GRID2: variants seen among roughly 807,000 people sequenced by gnomAD.
GRID2 encodes glutamate receptor ionotropic, delta-2.
GRID2 carries 33 observed loss-of-function variants against 114.8 expected under a neutral mutation model. That is an observed-to-expected ratio of 0.29 (90% CI 0.22 to 0.38). The LOEUF (loss-of-function observed/expected upper bound fraction) is 0.38. Among genes scored for constraint, GRID2 ranks in the 10% least tolerant of loss-of-function variants. The probability of loss-of-function intolerance (pLI) is 1.00; values close to 1 mark genes in which losing one functional copy is unlikely to be tolerated. For synonymous variants in GRID2, 505 were observed against 449.9 expected (o/e 1.12, Z -1.55); for missense variants, 1,184 against 1,257.7 (o/e 0.94, Z 0.89).
intron 13 of GRID2, among the ~76,000 whole-genome samples, chr4:93,594,555 G>A (rs1341203119): frequency 6.6e-6 from 1 of 152,172 alleles, no homozygotes; most frequent in Admixed American, 6.5e-5. Context: ...AGGCAGGCAG[G>A]CCTCCTTGAG....
At chr4:93,188,112 C>G (rs780963660) in intron 4 of GRID2, among the ~76,000 whole-genome samples, 6 of 152,194 alleles carry the variant, frequency 3.9e-5, no homozygotes, top group Non-Finnish European at 5.9e-5. Context: ...ATTCTGGAAT[C>G]TCAAGGGTGA....
intron 1 of GRID2, among the ~76,000 whole-genome samples, chr4:92,401,545 TCA>T (rs1367159327): frequency 6.6e-6 from 1 of 152,258 alleles, no homozygotes; most frequent in South Asian, 2.1e-4. Flanking sequence ...ATAAAGTGAG[TCA>T]CACAAATTTT....
intron 2 of GRID2, among the ~76,000 whole-genome samples, chr4:92,686,918 A>G (rs1733934782): frequency 6.6e-6 from 1 of 152,152 alleles, no homozygotes; most frequent in Non-Finnish European, 1.5e-5. Flanking sequence ...GCAATTTTAT[A>G]AAGTTTGAAC....
At chr4:93,049,137 C>T (rs985446688) in intron 2 of GRID2, among the ~76,000 whole-genome samples, 1 of 151,954 alleles carries the variant, frequency 6.6e-6, no homozygotes, top group Admixed American at 6.6e-5. Flanking sequence ...CTCCACAAAG[C>T]ATTATAGAAT....
intron 1 of GRID2, among the ~76,000 whole-genome samples, chr4:92,453,593 G>A (rs997609822): frequency 4.6e-5 from 7 of 152,002 alleles, no homozygotes; most frequent in African/African-American, 1.7e-4. Context: ...GTAAAGACAT[G>A]GATTTCTTTC....
intron 1 of GRID2, among the ~76,000 whole-genome samples, chr4:92,533,599 C>T (rs1725463716): frequency 6.6e-6 from 1 of 152,040 alleles, no homozygotes; most frequent in African/African-American, 2.4e-5. Context: ...AACACAATAA[C>T]TGTTCATCCC....
intron 13 of GRID2, among the ~76,000 whole-genome samples, chr4:93,612,407 C>G (rs377666913): frequency 6.8e-6 from 1 of 146,486 alleles, no homozygotes; most frequent in East Asian, 1.9e-4. Flanking sequence ...TTCCTAGTCT[C>G]GATGGGCTTT....
chr4:93,322,808 AT>A (rs1757380153), intron 8 of GRID2, among the ~76,000 whole-genome samples: 1 of 151,938 alleles, frequency 6.6e-6, no homozygotes, highest in Non-Finnish European at 1.5e-5. Flanking sequence ...GATGATGAGC[AT>A]TTTTTCATGT....
At chr4:93,239,727 T>G (rs1313687241) in intron 8 of GRID2, among the ~76,000 whole-genome samples, 1 of 151,642 alleles carries the variant, frequency 6.6e-6, no homozygotes, top group Admixed American at 6.6e-5. Flanking sequence ...GCCAGGATTC[T>G]CAACCCTCCC....
intron 3 of GRID2, among the ~76,000 whole-genome samples, chr4:93,097,912 A>G (rs1271422886): frequency 3.3e-5 from 5 of 151,932 alleles, no homozygotes; most frequent in Non-Finnish European, 7.4e-5. Context: ...AAGTAAATAA[A>G]ATGATACCTC....
At chr4:93,098,775 T>C (rs769158323) in intron 3 of GRID2, among the ~76,000 whole-genome samples, 2 of 151,914 alleles carry the variant, frequency 1.3e-5, no homozygotes, top group Non-Finnish European at 2.9e-5. Context: ...TGGATTCAGC[T>C]GTAGAGATTG....
In GRID2 at chr4:93,560,995, T is replaced by C. The variant is rs145382305; in HGVS notation, c.2193+45584T>C. Among the ~76,000 whole-genome samples the C allele has an allele frequency of 5.9e-4, 90 of 152,180 alleles. No homozygotes were observed. In the East Asian group the frequency reaches 0.017, roughly 28 times the overall value. On this transcript the variant is annotated intron_variant, in intron 13 of 15. Transcript: ENST00000282020. ...TTCTCTTGAGTGAGCTTCCTTCATATGGTTATGACCTTACATTTATACTTA... is the reference window on the plus strand; with the variant it reads ...TTCTCTTGAGTGAGCTTCCTTCATACGGTTATGACCTTACATTTATACTTA...
chr4:93,311,981 T>G (rs1037539676), intron 8 of GRID2, among the ~76,000 whole-genome samples: 2 of 152,186 alleles, frequency 1.3e-5, no homozygotes, highest in African/African-American at 4.8e-5. Flanking sequence ...AAATTCATAA[T>G]GTAGAAATGT....
chr4:93,107,625 A>G (rs1435856322), intron 3 of GRID2, among the ~76,000 whole-genome samples: 1 of 151,922 alleles, frequency 6.6e-6, no homozygotes. Context: ...TGCAACCTCC[A>G]CTTCCCAGGT....
chr4:92,990,249 T>TGTGTGA (rs1424568290), intron 2 of GRID2, among the ~76,000 whole-genome samples: 1 of 114,722 alleles, frequency 8.7e-6, no homozygotes, highest in African/African-American at 3.3e-5. Flanking sequence ...TGTGTGTGTG[T>TGTGTGA]GATATATGTA....
At chr4:93,505,620 C>A (rs1460807026) in intron 12 of GRID2, among the ~76,000 whole-genome samples, 1 of 148,424 alleles carries the variant, frequency 6.7e-6, no homozygotes, top group Non-Finnish European at 1.5e-5. Context: ...TATTAGATAT[C>A]ATACACATAT....
intron 1 of GRID2, among the ~76,000 whole-genome samples, chr4:92,395,605 C>T (rs774571553): frequency 8.6e-5 from 13 of 151,608 alleles, no homozygotes; most frequent in East Asian, 1.9e-4. Flanking sequence ...TCTCTTGCCC[C>T]GATATATTTA....
At chr4:92,650,377 T>C (rs1464617297) in intron 2 of GRID2, among the ~76,000 whole-genome samples, 1 of 152,072 alleles carries the variant, frequency 6.6e-6, no homozygotes, top group Non-Finnish European at 1.5e-5. Flanking sequence ...CTATTGTTAG[T>C]CCTGCTTAGT....
At chr4:92,375,609 A>G (rs1432015986) in intron 1 of GRID2, among the ~76,000 whole-genome samples, 2 of 152,110 alleles carry the variant, frequency 1.3e-5, no homozygotes, top group Non-Finnish European at 2.9e-5. Context: ...GTTTAATGCC[A>G]GTAAAGGTAT....
Sources: gnomAD v4.1 joint callset for allele counts (sites outside exome capture counted in the v4.1 genomes callset) on GRCh38, gnomAD v4.1.1 for gene constraint, MANE v1.5 for transcripts, NCBI Gene and HGNC (gene_info 2026-07-23, HGNC 2026-07-21) for gene names.